Variants in PPP1R12A observed in about 807,000 individuals in gnomAD.
PPP1R12A encodes the protein myosin binding subunit.
A neutral mutation model predicts 139.6 loss-of-function variants in PPP1R12A; 19 were observed. The ratio of observed to expected loss-of-function variants is 0.14; its 90% CI spans 0.09 to 0.20. PPP1R12A has a LOEUF of 0.20. PPP1R12A is among the 10% of genes least tolerant of loss of function. The pLI is 1.00. For synonymous variants in PPP1R12A, 427 were observed against 420.6 expected (o/e 1.02, Z -0.19); for missense variants, 925 against 1,211.5 (o/e 0.76, Z 3.51).
chr12:79,865,975 C>G (rs530998973), intron 2 of PPP1R12A, among the ~76,000 whole-genome samples: 1 of 151,940 alleles, frequency 6.6e-6, no homozygotes, highest in South Asian at 2.1e-4. Context: ...CTACTTTAAA[C>G]TTCATATGGA....
At position 79,795,712 on chromosome 12, in the gene PPP1R12A, G is replaced by C. The variant is rs769122856; in HGVS notation, c.2509C>G (p.Pro837Ala). The C allele has an allele frequency of 3.7e-6, 6 of 1,611,332 alleles. No individual in the cohort carries two copies. In the Admixed American group the frequency reaches 1.0e-4, roughly 27 times the overall value. ...EEKEGEDKSQ[P>A]KSIRERRRPR... Reference sequence around the variant, plus strand: ...CGTCGTCGTTCTCTGATTGATTTAGGTTGTGATTTATCTTCTCCTTCTTTC... The same window carrying C: ...CGTCGTCGTTCTCTGATTGATTTAGCTTGTGATTTATCTTCTCCTTCTTTC... Residue 837 changes from proline (P) to alanine (A), a missense_variant, in exon 18 of 25, where the codon CCT (proline) becomes GCT (alanine). Physicochemically the swap from Pro to Ala is conservative, Grantham distance 27. This residue lies in a region of PPP1R12A where 315 missense variants were observed against 363.4 expected (regional missense o/e 0.87). Coordinates refer to ENST00000450142, the MANE Select transcript of PPP1R12A (RefSeq NM_002480.3).
intron 4 of PPP1R12A, among the ~76,000 whole-genome samples, chr12:79,832,021 T>C (rs1014030158): frequency 2.0e-5 from 3 of 152,176 alleles, no homozygotes; most frequent in African/African-American, 7.2e-5. Flanking sequence ...GTTATCAATC[T>C]GGAACCTCAA....
At chr12:79,922,210 G>A (rs1377531896) in intron 1 of PPP1R12A, among the ~76,000 whole-genome samples, 1 of 152,126 alleles carries the variant, frequency 6.6e-6, no homozygotes, top group Non-Finnish European at 1.5e-5. Context: ...GCAGTGAGCT[G>A]TGTTCACACC....
chr12:79,788,964 T>C (rs1010468184), intron 20 of PPP1R12A, among the ~76,000 whole-genome samples, 181 bp from the exon 21 acceptor site: 4 of 152,178 alleles, frequency 2.6e-5, no homozygotes, highest in African/African-American at 9.7e-5. Context: ...TTAGATAGGG[T>C]CTCACTCTGC....
chr12:79,805,920 AC>A, intron 13 of PPP1R12A, 152 bp from the exon 14 acceptor site: 1 of 965,956 alleles, frequency 1.0e-6, no homozygotes, highest in Non-Finnish European at 1.5e-6. Context: ...CAAAAAGCTC[AC>A]CCAGAGTTGT....
intron 15 of PPP1R12A, 24 bp from the exon 16 acceptor site, chr12:79,797,419 T>C (rs372123326): frequency 1.9e-6 from 3 of 1,543,102 alleles, no homozygotes; most frequent in Admixed American, 4.2e-5. Context: ...AAGATCAATA[T>C]AATTATGAGA....
chr12:79,855,947 T>C (rs184716574), intron 2 of PPP1R12A, among the ~76,000 whole-genome samples: 5 of 152,122 alleles, frequency 3.3e-5, no homozygotes, highest in African/African-American at 1.2e-4. Context: ...AGTAAGCACT[T>C]GGTAAACGTT....
chr12:79,921,348 GAAT>G (rs1207165343), intron 1 of PPP1R12A, among the ~76,000 whole-genome samples: 1 of 152,012 alleles, frequency 6.6e-6, no homozygotes, highest in African/African-American at 2.4e-5. Context: ...ACACAAAAAA[GAAT>G]AATAGACATA....
chr12:79,820,985 A>G (rs981783331), intron 7 of PPP1R12A, 54 bp from the exon 8 acceptor site: 11 of 1,603,016 alleles, frequency 6.9e-6, no homozygotes, highest in Non-Finnish European at 9.4e-6. Flanking sequence ...GTTAAAATAT[A>G]TTCATTCTTC....
At chr12:79,840,512 C>G (rs1350521912) in intron 3 of PPP1R12A, among the ~76,000 whole-genome samples, 1 of 152,144 alleles carries the variant, frequency 6.6e-6, no homozygotes, top group Non-Finnish European at 1.5e-5. Context: ...AATATATACT[C>G]ATGAAGTCCC....
At chr12:79,843,696 G>A (rs1261710579) in intron 3 of PPP1R12A, among the ~76,000 whole-genome samples, 1 of 150,874 alleles carries the variant, frequency 6.6e-6, no homozygotes, top group Non-Finnish European at 1.5e-5. Flanking sequence ...TCTAGAAAAG[G>A]AGTTGCTGGA....
chr12:79,809,060 GTAGTGACAATGACACTCTGATACATTCC>G (rs1470549900), intron 10 of PPP1R12A, among the ~76,000 whole-genome samples: 1 of 152,028 alleles, frequency 6.6e-6, no homozygotes, highest in Non-Finnish European at 1.5e-5. Flanking sequence ...CTAAGAGTGT[GTAGTGACAATGACACTCTGATACATTCC>G]TAGTAAGCTG....
At chr12:79,830,440 T>C (rs771340534) in intron 4 of PPP1R12A, among the ~76,000 whole-genome samples, 6 of 152,292 alleles carry the variant, frequency 3.9e-5, no homozygotes, top group African/African-American at 1.4e-4. Flanking sequence ...ATTCCTATTA[T>C]AAACAATGCT....
In PPP1R12A at chr12:79,809,971, C is replaced by T; in HGVS notation, c.1279G>A (p.Glu427Lys). 2 of 1,613,092 alleles carry T rather than the reference C, an allele frequency of 1.2e-6. No homozygotes were observed. The highest frequency in any genetic ancestry group is 1.7e-6 in the Non-Finnish European group (2 of 1,179,566). Residue 427 changes from glutamate to lysine, a missense_variant, in exon 10 of 25, where the codon GAG (glutamate) becomes AAG (lysine). Transcript: ENST00000450142. ...GTTGCAGGAGACTCATCTTTTCTCT[C>T]TTCTTCTTTGGGAGAAATTTTTGTA... ...TATKISPKEE[E>K]RKDESPATWR...
At position 79,899,236 on chromosome 12, in the gene PPP1R12A, ATATATAT is replaced by A. The variant is rs1885413350; in HGVS notation, c.238-26305_238-26299del. 3.0e-3 allele frequency among the ~76,000 whole-genome samples: 11 copies of A among 3,616 alleles called. No homozygotes were observed. The Non-Finnish European group carries it at 0.045, about 15-fold the overall frequency. The allele number at this position is 3,616 out of a possible 152,430, so 2.4% of individuals were successfully genotyped here. A position where few individuals can be genotyped will look rare whatever the true frequency, so the allele number is the denominator to read the frequency against. ...AATGAAATGCAGAGATCTTAAAAAT[ATATATAT>A]ATATATATATATATATATATATATA... On this transcript the variant is annotated intron_variant, in intron 1 of 24. Coordinates refer to ENST00000450142, the MANE Select transcript of PPP1R12A (RefSeq NM_002480.3).
chr12:79,782,456 T>A, intron 22 of PPP1R12A: 1 of 383,040 alleles, frequency 2.6e-6, no homozygotes, highest in Non-Finnish European at 5.1e-6. Flanking sequence ...GCTGGTGAGC[T>A]CAGGCCTTTC....
chr12:79,871,856 G>C (rs1056465784), intron 2 of PPP1R12A, among the ~76,000 whole-genome samples: 2 of 152,122 alleles, frequency 1.3e-5, no homozygotes, highest in African/African-American at 4.8e-5. Context: ...TTTGCAACGG[G>C]AAAAAGACTT....
In PPP1R12A at chr12:79,781,854, T is replaced by C; in HGVS notation, c.2916A>G (p.Glu972=). 1 of 1,542,488 alleles carries C rather than the reference T, an allele frequency of 6.5e-7. No homozygotes were observed. Among genetic ancestry groups the C allele is most frequent in the Admixed American group, 1.9e-5 (1 of 51,714 alleles). Residue 972 remains glutamate, a synonymous_variant, in exon 23 of 25, where the codon GAA becomes GAG. Transcript: ENST00000450142. ...CCAACAGTGATCTATCAGCAAATCT[T>C]TCTTGTCTCTGCAACAAAGTAAGAA... ...LQLEKATQRQ[E]RFADRSLLEM...
At position 79,781,672 on chromosome 12, in the gene PPP1R12A, T is replaced by C. The variant is rs1029182361; in HGVS notation, c.2955+143A>G. 2.1e-5 allele frequency: 10 copies of C among 466,916 alleles called. No individual in the cohort carries two copies. In the East Asian group the frequency reaches 2.7e-4, roughly 12 times the overall value. The allele number at this position is 466,916 out of a possible 1,614,324, so 28.9% of individuals were successfully genotyped here. ...AACCCCATAGAATTCTATAAAGAAGTTGCTGCAAAATACATTAACTCAATA... is the reference window on the plus strand; with the variant it reads ...AACCCCATAGAATTCTATAAAGAAGCTGCTGCAAAATACATTAACTCAATA... On this transcript the variant is annotated intron_variant, in intron 23 of 24. Coordinates refer to ENST00000450142, the MANE Select transcript of PPP1R12A (RefSeq NM_002480.3).
Sources: gnomAD v4.1 joint callset for allele counts (sites outside exome capture counted in the v4.1 genomes callset) on GRCh38, gnomAD v4.1.1 for gene constraint, gnomAD v4.1.1 regional missense constraint, MANE v1.5 for transcripts, NCBI Gene and HGNC (gene_info 2026-07-23, HGNC 2026-07-21) for gene names.